RSRC2: variants seen among roughly 807,000 people sequenced by gnomAD.
RSRC2 encodes the protein arginine/serine-rich coiled-coil protein 2.
In RSRC2, 5 loss-of-function variants were observed where a neutral mutation model predicts 61.3. That is an observed-to-expected ratio of 0.08 (90% CI 0.04 to 0.17). RSRC2 has a LOEUF of 0.17. Among genes scored for constraint, RSRC2 ranks in the 10% least tolerant of loss-of-function variants. The pLI, the probability that RSRC2 is intolerant of heterozygous loss-of-function variation, is 1.00. For synonymous variants in RSRC2, 202 were observed against 166.5 expected, an observed-to-expected ratio of 1.21 and a Z score of -1.64; for missense variants, 381 against 518.8, an observed-to-expected ratio of 0.73 and a Z score of 2.58.
chr12:122,508,047 G>C (rs112764595), intron 8 of RSRC2, 171 bp downstream of exon 8: 2 of 680,358 alleles, frequency 2.9e-6, no homozygotes, highest in Non-Finnish European at 5.3e-6. Flanking sequence ...CAACTGATCC[G>C]CTCACTTGGC....
At chr12:122,524,980 G>C (rs1416410175) in intron 1 of RSRC2, among the ~76,000 whole-genome samples, 1 of 152,182 alleles carries the variant, frequency 6.6e-6, no homozygotes, top group Non-Finnish European at 1.5e-5. Flanking sequence ...CACTGCGAAG[G>C]AGGTAAGCAC....
chr12:122,517,564 G>C, intron 4 of RSRC2, 134 bp from the exon 5 acceptor site: 1 of 1,083,252 alleles, frequency 9.2e-7, no homozygotes, highest in Non-Finnish European at 1.3e-6. Flanking sequence ...ACAGAAATAA[G>C]CGAGATTTTC....
At chr12:122,513,314 A>C (rs185246180) in intron 6 of RSRC2, among the ~76,000 whole-genome samples, 62 of 151,736 alleles carry the variant, frequency 4.1e-4, no homozygotes, top group African/African-American at 1.5e-3. Flanking sequence ...AAACAGTTTT[A>C]AATCCTGACC....
chr12:122,526,926 C>A lies in RSRC2; in HGVS notation c.-73G>T. 1 of 1,575,130 alleles carries A rather than the reference C, an allele frequency of 6.3e-7. No homozygotes were observed. The highest frequency in any genetic ancestry group is 8.7e-7 in the Non-Finnish European group (1 of 1,144,908). On this transcript the variant is annotated 5_prime_UTR_variant, in exon 1 of 10. Coordinates refer to ENST00000331738, the MANE Select transcript of RSRC2 (RefSeq NM_023012.6). ...AACAGTACCGGCCGCTCCGAAGCTT[C>A]GCCTCAGACTAAATCGCTCGCGCGA...
chr12:122,508,738 C>T (rs903904774), intron 7 of RSRC2, among the ~76,000 whole-genome samples: 2 of 151,912 alleles, frequency 1.3e-5, no homozygotes, highest in African/African-American at 2.4e-5. Context: ...GGGCGGATCA[C>T]CTGAGGTTGG....
chr12:122,521,228 A>C (rs1175456077), intron 3 of RSRC2, 157 bp downstream of exon 3: 1 of 501,820 alleles, frequency 2.0e-6, no homozygotes, highest in East Asian at 3.0e-5. Context: ...TTCTTCAAAA[A>C]TGATGAATCA....
intron 3 of RSRC2, chr12:122,520,777 C>T: frequency 2.9e-6 from 1 of 344,278 alleles, no homozygotes; most frequent in South Asian, 2.3e-5. Context: ...TACTTCTACA[C>T]TTCCTTATTG....
intron 1 of RSRC2, among the ~76,000 whole-genome samples, chr12:122,525,354 C>G (rs983304313): frequency 6.6e-6 from 1 of 151,958 alleles, no homozygotes; most frequent in Non-Finnish European, 1.5e-5. Flanking sequence ...CCAGCCTGGG[C>G]GACAAGAGCA....
intron 1 of RSRC2, chr12:122,526,290 C>G (rs1207208702): frequency 6.5e-6 from 1 of 152,714 alleles, no homozygotes; most frequent in East Asian, 1.9e-4. Flanking sequence ...TCAGCAATAC[C>G]TTCCTAGCTC....
chr12:122,508,754 C>T (rs1238877355), intron 7 of RSRC2, among the ~76,000 whole-genome samples: 3 of 151,572 alleles, frequency 2.0e-5, no homozygotes, highest in South Asian at 2.1e-4. Context: ...GTTGGGAGTT[C>T]GAGACCAGCC....
At chr12:122,516,596 G>A (rs1280596269) in intron 5 of RSRC2, among the ~76,000 whole-genome samples, 1 of 152,184 alleles carries the variant, frequency 6.6e-6, no homozygotes, top group East Asian at 1.9e-4. Flanking sequence ...CTAATAACAT[G>A]CAAGGAGTTC....
intron 8 of RSRC2, chr12:122,507,959 C>G: frequency 4.0e-6 from 2 of 495,138 alleles, no homozygotes; most frequent in Non-Finnish European, 7.3e-6. Flanking sequence ...TGCCACCACA[C>G]CCAGCTGATT....
intron 9 of RSRC2, 189 bp downstream of exon 9, chr12:122,506,645 G>A: frequency 1.8e-6 from 1 of 552,574 alleles, no homozygotes; most frequent in East Asian, 3.0e-5. Flanking sequence ...TGTGTGTGTA[G>A]GGAGGACAGT....
intron 9 of RSRC2, among the ~76,000 whole-genome samples, chr12:122,506,157 G>A (rs947998125): frequency 2.0e-5 from 3 of 152,236 alleles, no homozygotes; most frequent in South Asian, 4.1e-4. Context: ...AGGCTGAGAC[G>A]GGTGGATCAC....
chr12:122,521,742 G>A (rs565502913), intron 2 of RSRC2, among the ~76,000 whole-genome samples: 48 of 152,338 alleles, frequency 3.2e-4, no homozygotes, highest in Admixed American at 2.9e-3. Flanking sequence ...GGGTTTAATA[G>A]AGAGAGGTAA....
intron 6 of RSRC2, among the ~76,000 whole-genome samples, chr12:122,514,204 T>G (rs1174678585): frequency 1.3e-5 from 2 of 152,140 alleles, no homozygotes; most frequent in Non-Finnish European, 2.9e-5. Context: ...TCGTGCTGTG[T>G]GTGGTTTCAC....
Position 122,505,574 on chromosome 12 carries a change from T to C in RSRC2, c.1258A>G (p.Met420Val), listed in dbSNP as rs780669104. The C allele has an allele frequency of 6.2e-7, 1 of 1,614,032 alleles. No homozygotes were observed. The highest frequency in any genetic ancestry group is 8.5e-7 in the Non-Finnish European group (1 of 1,179,946). The change falls in exon 10 of 10, where the codon ATG becomes GTG. Residue 420 changes from methionine to valine, a missense_variant. Met to Val is a conservative substitution (Grantham distance 21, BLOSUM62 1). This residue lies in a region of RSRC2 where 78 missense variants were observed against 183.0 expected (regional missense o/e 0.43). Coordinates refer to ENST00000331738, the MANE Select transcript of RSRC2 (RefSeq NM_023012.6). ...ATTGAAGATGTGAAACCCAAACCCA[T>C]TCCTCTTTGTGTGTGGGTTTGTGAT... ...ARSQTHTQRG[M>V]GLGFTSSMRG...
Position 122,517,373 on chromosome 12 carries a change from C to T in RSRC2, c.456G>A (p.Arg152=), listed in dbSNP as rs552055161. The T allele has an allele frequency of 8.1e-6, 13 of 1,613,992 alleles. No homozygotes were observed. The highest frequency in any genetic ancestry group is 4.5e-5 in the East Asian group (2 of 44,888). The change falls in exon 5 of 10, where the codon CGG becomes CGA. Residue 152 remains arginine, a synonymous_variant. Transcript: ENST00000331738. Reference sequence around the variant, plus strand: ...CTCTGCTTCTGGATCTCGATTTCTTCCGCTCCCTACTCCTGGATCGAGACT... The same window carrying T: ...CTCTGCTTCTGGATCTCGATTTCTTTCGCTCCCTACTCCTGGATCGAGACT... ...RKKSRSRSRE[R]KKSRSRSRER... is the part of the protein sequence containing the mutation.
intron 1 of RSRC2, among the ~76,000 whole-genome samples, chr12:122,526,472 G>A (rs529011520): frequency 6.6e-6 from 1 of 152,028 alleles, no homozygotes; most frequent in South Asian, 2.1e-4. Flanking sequence ...GACCACTCCT[G>A]ATCGTCTTTC....
Sources: gnomAD v4.1 joint callset for allele counts (sites outside exome capture counted in the v4.1 genomes callset) on GRCh38, gnomAD v4.1.1 for gene constraint, gnomAD v4.1.1 regional missense constraint, MANE v1.5 for transcripts, NCBI Gene and HGNC (gene_info 2026-07-23, HGNC 2026-07-21) for gene names.